Variants in GLCCI1 observed in about 807,000 individuals in gnomAD.
GLCCI1 encodes the protein glucocorticoid induced 1, also known as glucocorticoid-induced transcript 1 protein.
Under a neutral mutation model 52.2 loss-of-function variants are expected in GLCCI1, and 24 were observed. The ratio of observed to expected loss-of-function variants is 0.46; its 90% CI spans 0.33 to 0.65. The LOEUF is 0.65. GLCCI1 is among the 30% of genes least tolerant of loss of function. The pLI is 0.02. For synonymous variants in GLCCI1, 310 were observed against 276.5 expected (o/e 1.12, Z -1.20); for missense variants, 704 against 701.5 (o/e 1.00, Z -0.04).
intron 3 of GLCCI1, among the ~76,000 whole-genome samples, chr7:8,043,929 ATTG>A (rs1370073155): frequency 2.7e-5 from 4 of 146,094 alleles, no homozygotes; most frequent in African/African-American, 1.0e-4. Flanking sequence ...AATCAAAACT[ATTG>A]TTGAAGCACT....
In GLCCI1 at chr7:8,067,588, ATTTGC is replaced by A. The variant is rs559026611; in HGVS notation, c.967-3330_967-3326del. On this transcript the variant is annotated intron_variant, in intron 5 of 7. Transcript: ENST00000223145. ...TCTGGTAGTAATGAATTCTCTTACC[ATTTGC>A]TTGTCTGAAAAGGATCTTATTTGTC... Among the ~76,000 whole-genome samples the A allele has an allele frequency of 9.2e-5, 14 of 152,116 alleles. No homozygotes were observed. In the East Asian group the frequency reaches 2.7e-3, roughly 29 times the overall value.
intron 3 of GLCCI1, among the ~76,000 whole-genome samples, chr7:8,052,120 T>A (rs899876625): frequency 5.3e-5 from 8 of 152,070 alleles, no homozygotes; most frequent in East Asian, 3.9e-4. Flanking sequence ...TTTTTTTTTT[T>A]AAAGGGCAGT....
At chr7:8,039,446 A>C (rs1262724051) in intron 3 of GLCCI1, among the ~76,000 whole-genome samples, 2 of 152,224 alleles carry the variant, frequency 1.3e-5, no homozygotes, top group Non-Finnish European at 2.9e-5. Context: ...ACCACGGAAT[A>C]CTATTAATTC....
Position 8,033,588 on chromosome 7 carries a change from A to G in GLCCI1, c.696+11019A>G, listed in dbSNP as rs1781804301. ...AGATCAACATACAGAGATCAATTAT[A>G]TTTCTGGGTAGTAGCTATGAATAAT... is the stretch of plus-strand genomic sequence containing the variant. On this transcript the variant is annotated intron_variant, in intron 3 of 7. Transcript: ENST00000223145. Among the ~76,000 whole-genome samples, 2 of 152,152 alleles carry G rather than the reference A, an allele frequency of 1.3e-5. 1 individual carries two copies. The highest frequency in any genetic ancestry group is 2.9e-5 in the Non-Finnish European group (2 of 67,970).
intron 6 of GLCCI1, 55 bp downstream of exon 6, chr7:8,071,186 C>G (rs1782753066): frequency 1.5e-6 from 2 of 1,372,594 alleles, no homozygotes; most frequent in African/African-American, 2.9e-5. Context: ...CTCATTATAC[C>G]TTGTCTTAGA....
Position 7,969,611 on chromosome 7 carries a change from T to G in GLCCI1, c.261T>G (p.Ala87=), listed in dbSNP as rs1780295687. 2 of 1,028,350 alleles carry G rather than the reference T, an allele frequency of 1.9e-6. No individual in the cohort carries two copies. Among genetic ancestry groups the G allele is most frequent in the Non-Finnish European group, 2.3e-6 (2 of 860,040 alleles). The allele number at this position is 1,028,350 out of a possible 1,614,324, so 63.7% of individuals were successfully genotyped here. A position where few individuals can be genotyped will look rare whatever the true frequency, so the allele number is the denominator to read the frequency against. ...QHSPTRPPVA[A]AAASLGSLPG... is the part of the protein sequence containing the mutation. The stretch of plus-strand genomic sequence containing the variant: ...GTCCCACGCGTCCGCCCGTCGCCGC[T>G]GCCGCCGCCTCGCTGGGCAGCCTCC... The change falls in exon 1 of 8, where the codon GCT becomes GCG. Residue 87 remains alanine (A), a synonymous_variant. Coordinates refer to ENST00000223145, the MANE Select transcript of GLCCI1 (RefSeq NM_138426.4). This position sits in a 1 kb window ranked among gnomAD's most constrained non-coding sequence, Gnocchi z 4.9.
chr7:8,064,488 T>G (rs1562447669), intron 5 of GLCCI1, among the ~76,000 whole-genome samples: 1 of 152,146 alleles, frequency 6.6e-6, no homozygotes, highest in Non-Finnish European at 1.5e-5. Context: ...CAGTACCATG[T>G]TTTGGTTACT....
intron 1 of GLCCI1, chr7:7,980,667 G>T: frequency 2.5e-6 from 2 of 806,256 alleles, no homozygotes. Context: ...ACAAGAAGAA[G>T]GGCACAATGT....
chr7:8,071,112 G>A lies in GLCCI1; in HGVS notation c.1158G>A (p.Leu386=), dbSNP rs1344867264. The change falls in exon 6 of 8, where the codon TTG becomes TTA. Residue 386 remains leucine (L), a synonymous_variant. Coordinates refer to ENST00000223145, the MANE Select transcript of GLCCI1 (RefSeq NM_138426.4). ...QDGSPCSTED[L]LYDRDKDSGS... ...GTAGCCCTTGCTCAACAGAAGATTT[G>A]CTCTATGATCGTGATAAAGGTAAGA... is the stretch of plus-strand genomic sequence containing the variant. The A allele has an allele frequency of 6.2e-7, 1 of 1,613,892 alleles. No homozygotes were observed. The highest frequency in any genetic ancestry group is 1.3e-5 in the African/African-American group (1 of 74,898).
chr7:7,969,138 G>T lies in GLCCI1; in HGVS notation c.-213G>T. 1 of 347,506 alleles carries T rather than the reference G, an allele frequency of 2.9e-6. No individual in the cohort carries two copies. Among genetic ancestry groups the T allele is most frequent in the Non-Finnish European group, 4.4e-6 (1 of 225,188 alleles). 21.5% of individuals were successfully genotyped at this position (347,506 alleles called of 1,614,324 possible). On this transcript the variant is annotated 5_prime_UTR_variant, in exon 1 of 8. Coordinates refer to ENST00000223145, the MANE Select transcript of GLCCI1 (RefSeq NM_138426.4). The surrounding 1 kb of genome is among the most constrained non-coding windows in gnomAD (Gnocchi z 4.9). ...AGCCGGGCGGTTGCGGCCGTTGGAC[G>T]TTTGTTTTCGCAGCCTTCCCCTCCC... is the stretch of plus-strand genomic sequence containing the variant.
chr7:8,081,293 G>A (rs761199088), intron 6 of GLCCI1, among the ~76,000 whole-genome samples: 20 of 152,058 alleles, frequency 1.3e-4, no homozygotes, highest in Non-Finnish European at 2.4e-4. Flanking sequence ...TAAAACATCT[G>A]ATAAGTCTAA....
chr7:8,062,135 C>T (rs6463755), intron 5 of GLCCI1, among the ~76,000 whole-genome samples: 111,351 of 152,054 alleles, frequency 0.73, 41,105 homozygotes, highest in African/African-American at 0.83. Flanking sequence ...GGTAAGGTAC[C>T]TCTGCTTTTA....
intron 1 of GLCCI1, among the ~76,000 whole-genome samples, chr7:7,978,554 T>C (rs1185240525): frequency 2.6e-5 from 4 of 152,196 alleles, no homozygotes; most frequent in African/African-American, 9.6e-5. Flanking sequence ...CATTTGTGCT[T>C]ACTATAAGTT....
intron 1 of GLCCI1, among the ~76,000 whole-genome samples, chr7:7,997,926 CAAATAAATAAATAAATAAATAAAT>C (rs55772533): frequency 5.0e-5 from 7 of 139,268 alleles, no homozygotes; most frequent in South Asian, 2.4e-4. Context: ...GACTCTGTCT[CAAATAAATAAATAAATAAATAAAT>C]AAATAAATAA....
intron 6 of GLCCI1, among the ~76,000 whole-genome samples, chr7:8,081,948 G>A (rs1783004162): frequency 6.6e-6 from 1 of 152,100 alleles, no homozygotes; most frequent in Non-Finnish European, 1.5e-5. Flanking sequence ...TAGCTATGAT[G>A]TTAAAAGTCA....
intron 1 of GLCCI1, among the ~76,000 whole-genome samples, chr7:7,978,108 G>A (rs1583940014): frequency 6.6e-6 from 1 of 152,304 alleles, no homozygotes; most frequent in East Asian, 1.9e-4. Context: ...CAGTAATTAT[G>A]CCATCATTGG....
chr7:8,004,026 C>T lies in GLCCI1; in HGVS notation c.576C>T (p.His192=), dbSNP rs200284412. 3 of 1,613,570 alleles carry T rather than the reference C, an allele frequency of 1.9e-6. No homozygotes were observed. The East Asian group carries it at 6.7e-5, about 36-fold the overall frequency. ...TGQWPRDPHV[H]YPSCMKDKAT... The stretch of plus-strand genomic sequence containing the variant: ...AGTGGCCACGGGATCCTCATGTTCA[C>T]TACCCTTCATGCATGAAAGACAAAG... The change falls in exon 2 of 8, where the codon CAC becomes CAT. Residue 192 remains histidine (H), a synonymous_variant. Coordinates refer to ENST00000223145, the MANE Select transcript of GLCCI1 (RefSeq NM_138426.4).
chr7:8,006,398 A>G (rs1226506283), intron 2 of GLCCI1, among the ~76,000 whole-genome samples: 1 of 152,172 alleles, frequency 6.6e-6, no homozygotes, highest in Non-Finnish European at 1.5e-5. Flanking sequence ...ATAGAAGGAA[A>G]GAACGCTGGA....
rs1216612009 is a variant in GLCCI1, at chr7:7,969,309, C to G, written c.-42C>G. 1 of 1,397,146 alleles carries G rather than the reference C, an allele frequency of 7.2e-7. No homozygotes were observed. Among genetic ancestry groups the G allele is most frequent in the Non-Finnish European group, 9.4e-7 (1 of 1,068,976 alleles). 86.5% of individuals were successfully genotyped at this position (1,397,146 alleles called of 1,614,324 possible). On this transcript the variant is annotated 5_prime_UTR_variant, in exon 1 of 8. Transcript: ENST00000223145. This position sits in a 1 kb window ranked among gnomAD's most constrained non-coding sequence, Gnocchi z 4.9. Reference sequence around the variant, plus strand: ...ACGCTCGCGCGCCTCCCGCCCCGCGCCTCCGTGTCGGCCGGCGGCGTCCAG... The same window carrying G: ...ACGCTCGCGCGCCTCCCGCCCCGCGGCTCCGTGTCGGCCGGCGGCGTCCAG...
Sources: allele counts gnomAD v4.1 joint callset (sites outside exome capture counted in the v4.1 genomes callset), GRCh38; gene constraint gnomAD v4.1.1; non-coding constraint Gnocchi (gnomAD v3.1); transcripts MANE v1.5; gene names NCBI Gene and HGNC (gene_info 2026-07-23, HGNC 2026-07-21).